The following XDH variants were observed in gnomAD, a reference collection of about 807,000 sequenced individuals.
The protein encoded by XDH is xanthine dehydrogenase.
XDH carries 138 observed loss-of-function variants against 156.1 expected under a neutral mutation model. The ratio of observed to expected loss-of-function variants is 0.88; its 90% CI spans 0.77 to 1.02. The LOEUF is 1.02. Ranked by LOEUF, XDH falls within the 50% of genes least tolerant of loss-of-function variation. The pLI, the probability that XDH is intolerant of heterozygous loss-of-function variation, is 0.00. For missense variants in XDH, 1,849 were observed against 1,684.9 expected (o/e 1.10, Z -1.71); for synonymous variants, 669 against 625.7 (o/e 1.07, Z -1.03).
intron 15 of XDH, among the ~76,000 whole-genome samples, chr2:31,374,162 C>A (rs1298592281): frequency 3.9e-5 from 6 of 152,146 alleles, no homozygotes. Flanking sequence ...TCACTGCTAG[C>A]CCCCCAGTGG....
chr2:31,403,243 C>T, intron 2 of XDH, 99 bp from the exon 3 acceptor site: 1 of 1,319,738 alleles, frequency 7.6e-7, no homozygotes. Context: ...CCATTCATTC[C>T]CACACGTGCT....
intron 6 of XDH, among the ~76,000 whole-genome samples, chr2:31,397,344 C>A (rs1441559928): frequency 1.3e-5 from 2 of 152,218 alleles, no homozygotes; most frequent in African/African-American, 4.8e-5. Context: ...ATGGGCTGAG[C>A]CTGCCAGTCT....
At chr2:31,403,226 G>A in intron 2 of XDH, 82 bp from the exon 3 acceptor site, 1 of 1,482,964 alleles carries the variant, frequency 6.7e-7, no homozygotes. Flanking sequence ...CAGAGCTGTG[G>A]GCAGAGCCAT....
chr2:31,350,728 AG>A (rs1308076906), intron 24 of XDH, among the ~76,000 whole-genome samples: 2 of 152,164 alleles, frequency 1.3e-5, no homozygotes, highest in Non-Finnish European at 2.9e-5. Flanking sequence ...AACTCTGTGG[AG>A]AAATTCATTC....
chr2:31,379,718 A>C (rs905875314), intron 13 of XDH, 149 bp downstream of exon 13: 2 of 824,604 alleles, frequency 2.4e-6, no homozygotes, highest in African/African-American at 3.3e-5. Context: ...TGGTTGGTTC[A>C]ACAGAGGCAA....
chr2:31,342,597 C>G (rs1213004241), intron 31 of XDH, among the ~76,000 whole-genome samples: 2 of 152,138 alleles, frequency 1.3e-5, no homozygotes, highest in African/African-American at 4.8e-5. Context: ...GGTAACAGAT[C>G]CATCTGGGCT....
At position 31,343,285 on chromosome 2, in the gene XDH, CATATATATATATATATATAT is replaced by C. The variant is rs60481824; in HGVS notation, c.3405-1008_3405-989del. 2.0e-3 allele frequency among the ~76,000 whole-genome samples: 140 copies of C among 68,348 alleles called. 6 individuals carry two copies. The highest frequency in any genetic ancestry group is 0.01 in the African/African-American group (125 of 12,388). 44.8% of individuals were successfully genotyped at this position (68,348 alleles called of 152,430 possible). On this transcript the variant is annotated intron_variant, in intron 31 of 35. Coordinates refer to ENST00000379416, the MANE Select transcript of XDH (RefSeq NM_000379.4). ...AAGCATTGGCAAAACATTTCTTCAC[CATATATATATATATATATAT>C]ATATATATATATATATATATATGCA...
At chr2:31,403,907 C>T (rs1308193338) in intron 2 of XDH, among the ~76,000 whole-genome samples, 2 of 152,150 alleles carry the variant, frequency 1.3e-5, no homozygotes, top group South Asian at 2.1e-4. Flanking sequence ...CCACTACCTA[C>T]TGAAGATGGA....
chr2:31,375,011 CTTTCTTTCTTTCTTTT>C (rs1686192562), intron 15 of XDH, among the ~76,000 whole-genome samples: 1 of 109,902 alleles, frequency 9.1e-6, no homozygotes, highest in African/African-American at 4.8e-5. Context: ...TTCTTTCTTT[CTTTCTTTCTTTCTTTT>C]TTTTTTTTTT....
At chr2:31,369,069 C>A (rs1686001524) in intron 18 of XDH, among the ~76,000 whole-genome samples, 1 of 152,174 alleles carries the variant, frequency 6.6e-6, no homozygotes, top group Non-Finnish European at 1.5e-5. Flanking sequence ...ATTGACAGAT[C>A]ATGACTAACC....
At position 31,370,086 on chromosome 2, in the gene XDH, G is replaced by A. The variant is rs1038781075; in HGVS notation, c.1980+269C>T. On this transcript the variant is annotated intron_variant, in intron 18 of 35. Transcript: ENST00000379416. ...AGCTTACTGTTGTCCCTTAAGAACC[G>A]AATTGTTAGTTCAAATGCAATCACC... Among the ~76,000 whole-genome samples the A allele has an allele frequency of 2.6e-5, 4 of 152,206 alleles. 1 individual carries two copies. In the South Asian group the frequency reaches 8.3e-4, roughly 32 times the overall value.
intron 24 of XDH, among the ~76,000 whole-genome samples, chr2:31,357,267 T>A (rs1036604764): frequency 3.3e-5 from 5 of 151,780 alleles, no homozygotes; most frequent in African/African-American, 9.7e-5. Context: ...TCAGTGAAAT[T>A]GAAAACAAAC....
intron 33 of XDH, 21 bp downstream of exon 33, chr2:31,341,308 C>T: frequency 1.3e-6 from 2 of 1,559,266 alleles, no homozygotes; most frequent in Non-Finnish European, 8.7e-7. Context: ...CTGTCACCAC[C>T]CTGGTCCCAC....
chr2:31,335,620 A>G lies in XDH; in HGVS notation c.*338T>C. On this transcript the variant is annotated 3_prime_UTR_variant, in exon 36 of 36. Coordinates refer to ENST00000379416, the MANE Select transcript of XDH (RefSeq NM_000379.4). ...GAATCCTCTTCAAAGGACAGACACC[A>G]TCAGAACTTGAGGTTATACAGGCTG... is the stretch of plus-strand genomic sequence containing the variant. 4.7e-6 allele frequency: 2 copies of G among 421,122 alleles called. No individual in the cohort carries two copies. The highest frequency in any genetic ancestry group is 2.2e-5 in the South Asian group (1 of 44,636). 26.1% of individuals were successfully genotyped at this position (421,122 alleles called of 1,614,324 possible). A position where few individuals can be genotyped will look rare whatever the true frequency, so the allele number is the denominator to read the frequency against.
At chr2:31,344,817 A>C (rs1032788578) in intron 30 of XDH, 81 bp from the exon 31 acceptor site, 34 of 1,458,050 alleles carry the variant, frequency 2.3e-5, no homozygotes, top group Middle Eastern at 1.7e-4. Flanking sequence ...TCAGGAGCTC[A>C]CCTCCTCTGG....
At chr2:31,337,511 G>A in intron 35 of XDH, 130 bp downstream of exon 35, 1 of 1,230,230 alleles carries the variant, frequency 8.1e-7, no homozygotes, top group African/African-American at 1.5e-5. Flanking sequence ...AATGAAGGGT[G>A]GCCATTGATG....
rs1029793282 is a variant in XDH at position 31,347,577 on chromosome 2, T to C, written c.3221A>G (p.Asn1074Ser). ...ISETSTNTVP[N>S]TSPTAASVSA... The stretch of plus-strand genomic sequence containing the variant: ...GACAGAGGCAGCCGTGGGAGAGGTG[T>C]TGGGCACAGTGTTAGTGCTTGTCTC... Residue 1074 changes from asparagine (N) to serine (S), a missense_variant, in exon 29 of 36, where the codon AAC (asparagine) becomes AGC (serine). Coordinates refer to ENST00000379416, the MANE Select transcript of XDH (RefSeq NM_000379.4). 1.2e-6 allele frequency: 2 copies of C among 1,614,128 alleles called. No individual in the cohort carries two copies. The highest frequency in any genetic ancestry group is 1.7e-6 in the Non-Finnish European group (2 of 1,180,020).
intron 9 of XDH, among the ~76,000 whole-genome samples, chr2:31,385,275 G>C (rs550262730): frequency 1.2e-4 from 19 of 152,360 alleles, no homozygotes; most frequent in African/African-American, 4.3e-4. Flanking sequence ...TGAGCCATGA[G>C]TCCTGTTGAG....
chr2:31,365,913 T>C, intron 22 of XDH, 63 bp downstream of exon 22: 1 of 1,612,774 alleles, frequency 6.2e-7, no homozygotes, highest in Middle Eastern at 1.7e-4. Context: ...AAAACCTTCC[T>C]GGCACAGACA....
Sources: allele counts gnomAD v4.1 joint callset (sites outside exome capture counted in the v4.1 genomes callset), GRCh38; gene constraint gnomAD v4.1.1; transcripts MANE v1.5; gene names NCBI Gene and HGNC (gene_info 2026-07-23, HGNC 2026-07-21).